FAM168B: variants seen among roughly 807,000 people sequenced by gnomAD.
The protein encoded by FAM168B is family with sequence similarity 168 member B.
Under a neutral mutation model 21.8 loss-of-function variants are expected in FAM168B, and 19 were observed. That is an observed-to-expected ratio of 0.87 (90% confidence interval 0.61 to 1.28). The LOEUF (loss-of-function observed/expected upper bound fraction) is 1.28, where lower values mean the gene tolerates loss of function less well. FAM168B is among the 50% of genes most tolerant of loss of function. The pLI, the probability that FAM168B is intolerant of heterozygous loss-of-function variation, is 0.00. For missense variants in FAM168B, 233 were observed against 263.1 expected, an observed-to-expected ratio of 0.89 and a Z score of 0.79; for synonymous variants, 126 against 104.8, an observed-to-expected ratio of 1.20 and a Z score of -1.24.
Position 131,050,020 on chromosome 2 carries a change from G to A in FAM168B, c.*2445C>T, listed in dbSNP as rs1315718602. On this transcript the variant is annotated 3_prime_UTR_variant, in exon 7 of 7. Coordinates refer to ENST00000389915, the MANE Select transcript of FAM168B (RefSeq NM_001009993.4). ...TCAAAGTCAGAAAGATTTCTGCACG[G>A]ATGTGCAATGCAAACTTATTTCATA... 5 of 985,370 alleles carry A rather than the reference G, an allele frequency of 5.1e-6. No homozygotes were observed. The highest frequency in any genetic ancestry group is 1.1e-4 in the East Asian group (1 of 8,836). 61.0% of individuals were successfully genotyped at this position (985,370 alleles called of 1,614,324 possible). A position where few individuals can be genotyped will look rare whatever the true frequency, so the allele number is the denominator to read the frequency against.
intron 2 of FAM168B, among the ~76,000 whole-genome samples, chr2:131,075,614 C>T (rs1248478292): frequency 1.3e-5 from 2 of 152,020 alleles, no homozygotes; most frequent in African/African-American, 4.8e-5. Flanking sequence ...CCTACCTCAG[C>T]CTCCTGAGTG....
At chr2:131,080,336 T>C (rs1407519750) in intron 2 of FAM168B, among the ~76,000 whole-genome samples, 7 of 150,648 alleles carry the variant, frequency 4.6e-5, no homozygotes, top group Non-Finnish European at 5.9e-5. Flanking sequence ...ACACAAGTAA[T>C]ATCTTAAGGT....
chr2:131,054,081 C>T (rs1001680835), intron 5 of FAM168B, among the ~76,000 whole-genome samples: 1 of 151,544 alleles, frequency 6.6e-6, no homozygotes, highest in African/African-American at 2.4e-5. Flanking sequence ...TGGTGGCAGG[C>T]GCCTGTAGTC....
At chr2:131,075,065 C>G (rs1693069169) in intron 2 of FAM168B, among the ~76,000 whole-genome samples, 2 of 152,074 alleles carry the variant, frequency 1.3e-5, no homozygotes, top group South Asian at 4.1e-4. Context: ...TCTAATTAGT[C>G]AGAGAACAGA....
chr2:131,084,634 G>A (rs1490528233), intron 1 of FAM168B, among the ~76,000 whole-genome samples: 1 of 152,134 alleles, frequency 6.6e-6, no homozygotes, highest in East Asian at 1.9e-4. Flanking sequence ...ACAAGTTCAA[G>A]AACTTGCACA....
intron 1 of FAM168B, among the ~76,000 whole-genome samples, chr2:131,089,070 G>A (rs908343466): frequency 1.3e-5 from 2 of 151,726 alleles, no homozygotes; most frequent in Admixed American, 6.6e-5. Context: ...AGGTTCAAGC[G>A]ATTCTCCTGT....
At chr2:131,072,992 G>A (rs1427626878) in intron 2 of FAM168B, among the ~76,000 whole-genome samples, 3 of 152,230 alleles carry the variant, frequency 2.0e-5, no homozygotes, top group Middle Eastern at 3.4e-3. Context: ...ACTGAATTCC[G>A]ACATTTCCTA....
At chr2:131,075,644 G>A (rs528498528) in intron 2 of FAM168B, among the ~76,000 whole-genome samples, 22 of 152,026 alleles carry the variant, frequency 1.4e-4, no homozygotes, top group South Asian at 8.3e-4. Flanking sequence ...ACAGGGGCCC[G>A]TGCCCGGCTA....
chr2:131,075,264 TTTCC>T lies in FAM168B; in HGVS notation c.71-3330_71-3327del, dbSNP rs1387061834. ...CCAGCAAGATTTTTTTTTCCAATGG[TTTCC>T]TTCTTTTAAAAAAAAAAAAAAAGTT... On this transcript the variant is annotated intron_variant, in intron 2 of 6. Transcript: ENST00000389915. 4.8e-5 allele frequency among the ~76,000 whole-genome samples: 7 copies of T among 147,266 alleles called. 1 individual carries two copies. The highest frequency in any genetic ancestry group is 2.7e-4 in the Admixed American group (4 of 14,896).
intron 3 of FAM168B, 59 bp downstream of exon 3, chr2:131,071,796 A>T: frequency 1.4e-6 from 2 of 1,468,822 alleles, no homozygotes; most frequent in Non-Finnish European, 1.9e-6. Context: ...CTCAAAATCC[A>T]CCCCTTCACC....
At chr2:131,072,093 T>C (rs1165228320) in intron 2 of FAM168B, among the ~76,000 whole-genome samples, 155 bp from the exon 3 acceptor site, 1 of 152,218 alleles carries the variant, frequency 6.6e-6, no homozygotes, top group African/African-American at 2.4e-5. Flanking sequence ...ATGTCTCTAG[T>C]TGTCTTCTTC....
rs372649519 is a variant in FAM168B at position 131,055,489 on chromosome 2, G to C, written c.298-40C>G. 8.1e-6 allele frequency: 13 copies of C among 1,602,254 alleles called. No individual in the cohort carries two copies. In the South Asian group the frequency reaches 1.5e-4, roughly 18 times the overall value. On this transcript the variant is annotated intron_variant, in intron 4 of 6. Transcript: ENST00000389915. ...GAGACAACTGACACAGGGTCCCAGG[G>C]CCAAAGGATGAACGCCCAGGTGGTA...
rs1691725210 is a variant in FAM168B, at chr2:131,052,275, A to G, written c.*190T>C. On this transcript the variant is annotated 3_prime_UTR_variant, in exon 7 of 7. Transcript: ENST00000389915. ...AGTCCACAAAACAGAATTTGCTTTAAGACCAACCCACAGAGTCAGCTGGAG... is the reference window on the plus strand; with the variant it reads ...AGTCCACAAAACAGAATTTGCTTTAGGACCAACCCACAGAGTCAGCTGGAG... The G allele has an allele frequency of 1.0e-6, 1 of 985,830 alleles. No individual in the cohort carries two copies. The highest frequency in any genetic ancestry group is 1.7e-5 in the African/African-American group (1 of 57,254). 61.1% of individuals were successfully genotyped at this position (985,830 alleles called of 1,614,324 possible).
Position 131,050,020 on chromosome 2 carries a change from G to T in FAM168B, c.*2445C>A, listed in dbSNP as rs1315718602. The T allele has an allele frequency of 5.1e-6, 5 of 985,370 alleles. No individual in the cohort carries two copies. In the East Asian group the frequency reaches 3.4e-4, roughly 67 times the overall value. 61.0% of individuals were successfully genotyped at this position (985,370 alleles called of 1,614,324 possible). ...TCAAAGTCAGAAAGATTTCTGCACG[G>T]ATGTGCAATGCAAACTTATTTCATA... On this transcript the variant is annotated 3_prime_UTR_variant, in exon 7 of 7. Coordinates refer to ENST00000389915, the MANE Select transcript of FAM168B (RefSeq NM_001009993.4).
chr2:131,069,314 T>C (rs1692736929), intron 3 of FAM168B, among the ~76,000 whole-genome samples: 1 of 152,246 alleles, frequency 6.6e-6, no homozygotes, highest in Non-Finnish European at 1.5e-5. Flanking sequence ...TACGGCATGA[T>C]CATCACATGC....
chr2:131,061,130 C>T (rs1207123171), intron 3 of FAM168B, among the ~76,000 whole-genome samples: 18 of 142,528 alleles, frequency 1.3e-4, no homozygotes, highest in Admixed American at 2.8e-4. Context: ...GGATGACAGG[C>T]GTGAGCCACC....
Position 131,065,821 on chromosome 2 carries a change from AG to A in FAM168B, c.154+6033del, listed in dbSNP as rs1264591618. On this transcript the variant is annotated intron_variant, in intron 3 of 6. Transcript: ENST00000389915. ...AAAGAAAAAAAGAAAAAAAAAAAAA[AG>A]AAAAGAAAGCTCTACTGTAAACCAT... Among the ~76,000 whole-genome samples, 149 of 151,658 alleles carry A rather than the reference AG, an allele frequency of 9.8e-4. 1 individual carries two copies. The highest frequency in any genetic ancestry group is 3.3e-3 in the African/African-American group (138 of 41,420).
At chr2:131,088,802 G>A (rs6745955) in intron 1 of FAM168B, among the ~76,000 whole-genome samples, 1,859 of 151,994 alleles carry the variant, frequency 0.012, 41 homozygotes, top group African/African-American at 0.041. Context: ...CTGTACTGCC[G>A]CATTTTCAAT....
Position 131,048,552 on chromosome 2 carries a change from G to C in FAM168B, c.*3913C>G. 1 of 1,113,606 alleles carries C rather than the reference G, an allele frequency of 9.0e-7. No individual in the cohort carries two copies. The highest frequency in any genetic ancestry group is 1.1e-6 in the Non-Finnish European group (1 of 897,652). 69.0% of individuals were successfully genotyped at this position (1,113,606 alleles called of 1,614,324 possible). A position where few individuals can be genotyped will look rare whatever the true frequency, so the allele number is the denominator to read the frequency against. Reference sequence around the variant, plus strand: ...AGTAGGAAAAAGAGACAAACTTTCTGAAACATGCAGTTTCCGACCCAAATA... The same window carrying C: ...AGTAGGAAAAAGAGACAAACTTTCTCAAACATGCAGTTTCCGACCCAAATA... On this transcript the variant is annotated 3_prime_UTR_variant, in exon 7 of 7. Coordinates refer to ENST00000389915, the MANE Select transcript of FAM168B (RefSeq NM_001009993.4).
Sources: allele counts gnomAD v4.1 joint callset (sites outside exome capture counted in the v4.1 genomes callset), GRCh38; gene constraint gnomAD v4.1.1; transcripts MANE v1.5; gene names NCBI Gene and HGNC (gene_info 2026-07-23, HGNC 2026-07-21).